The following EYS variants were observed in gnomAD, a reference collection of about 807,000 sequenced individuals.
EYS encodes the protein EGF-like photoreceptor maintenance factor.
Under a neutral mutation model 282.1 loss-of-function variants are expected in EYS, and 250 were observed. The observed-to-expected ratio is 0.89, with a 90% CI of 0.80 to 0.98. The LOEUF is 0.98. EYS is among the 50% of genes least tolerant of loss of function. EYS has a pLI of 0.00. For synonymous variants in EYS, 1,355 were observed against 1,282.9 expected (o/e 1.06, Z -1.20); for missense variants, 4,016 against 3,709.0 (o/e 1.08, Z -2.15).
chr6:64,734,351 T>G (rs1772109370), intron 22 of EYS, among the ~76,000 whole-genome samples: 1 of 152,140 alleles, frequency 6.6e-6, no homozygotes, highest in Non-Finnish European at 1.5e-5. Flanking sequence ...TTAAGTTTTG[T>G]TTGAAGCTTT....
chr6:65,393,783 C>T (rs1433602907), intron 7 of EYS, among the ~76,000 whole-genome samples: 1 of 151,544 alleles, frequency 6.6e-6, no homozygotes, highest in East Asian at 1.9e-4. Context: ...TATGTTAATA[C>T]ATCAAATTGA....
At position 63,936,593 on chromosome 6, in the gene EYS, C is replaced by A. The variant is rs535966396; in HGVS notation, c.7055+47790G>T. Among the ~76,000 whole-genome samples the A allele has an allele frequency of 5.9e-5, 9 of 152,290 alleles. No homozygotes were observed. The South Asian group carries it at 1.4e-3, about 25-fold the overall frequency. On this transcript the variant is annotated intron_variant, in intron 35 of 42. Coordinates refer to ENST00000503581, the MANE Select transcript of EYS (RefSeq NM_001142800.2). ...CCTGTGATAGTCAATCCTTAGATTT[C>A]TGTTAATGATTCACCCATTTATTCA...
chr6:64,608,552 G>A (rs1324540891), intron 24 of EYS, among the ~76,000 whole-genome samples: 1 of 152,168 alleles, frequency 6.6e-6, no homozygotes, highest in East Asian at 1.9e-4. Flanking sequence ...TCCAGTGAGT[G>A]TGTGCCTCGA....
chr6:64,312,283 G>C (rs1244195634), intron 29 of EYS, among the ~76,000 whole-genome samples: 1 of 152,084 alleles, frequency 6.6e-6, no homozygotes, highest in African/African-American at 2.4e-5. Context: ...ACTGCGTGGA[G>C]CCCACTGCAC....
chr6:64,503,316 T>C (rs1777111172), intron 26 of EYS, among the ~76,000 whole-genome samples: 1 of 152,112 alleles, frequency 6.6e-6, no homozygotes, highest in African/African-American at 2.4e-5. Flanking sequence ...TGGCTTGATT[T>C]GAAGGAAAAA....
At chr6:64,033,828 C>CTATATATATATATATA (rs1491226014) in intron 33 of EYS, among the ~76,000 whole-genome samples, 41 of 59,206 alleles carry the variant, frequency 6.9e-4, no homozygotes, top group African/African-American at 2.4e-3. Flanking sequence ...AATGAGATTA[C>CTATATATATATATATA]TCTCTCTCTC....
intron 26 of EYS, among the ~76,000 whole-genome samples, chr6:64,539,453 T>C (rs971958087): frequency 6.6e-6 from 1 of 152,142 alleles, no homozygotes; most frequent in Admixed American, 6.5e-5. Flanking sequence ...TGCACATCTG[T>C]AGGCCTAGTT....
At chr6:65,617,484 A>G (rs536526163) in intron 2 of EYS, among the ~76,000 whole-genome samples, 1 of 152,214 alleles carries the variant, frequency 6.6e-6, no homozygotes, top group Admixed American at 6.5e-5. Context: ...ATGTTTAATG[A>G]GACCTGAATT....
At position 63,958,442 on chromosome 6, in the gene EYS, C is replaced by T. The variant is rs183088105; in HGVS notation, c.7055+25941G>A. Among the ~76,000 whole-genome samples the T allele has an allele frequency of 3.5e-4, 53 of 152,102 alleles. 11 individuals carry two copies. The Middle Eastern group carries it at 0.01, about 29-fold the overall frequency. On this transcript the variant is annotated intron_variant, in intron 35 of 42. Coordinates refer to ENST00000503581, the MANE Select transcript of EYS (RefSeq NM_001142800.2). ...ATGGTTTGAATGTTTGTGGCCCCCA[C>T]AATGTTCATGTTGAAACTTAATCCT...
intron 31 of EYS, among the ~76,000 whole-genome samples, chr6:64,097,035 T>C (rs1772645950): frequency 6.6e-6 from 1 of 152,130 alleles, no homozygotes; most frequent in African/African-American, 2.4e-5. Flanking sequence ...CCTTTTTGCC[T>C]GGGTATCAGC....
intron 42 of EYS, among the ~76,000 whole-genome samples, chr6:63,724,278 T>C (rs1768527996): frequency 6.6e-6 from 1 of 152,178 alleles, no homozygotes; most frequent in Non-Finnish European, 1.5e-5. Context: ...TCATCTGCTA[T>C]CCCACCGTGC....
chr6:64,518,882 T>C (rs1777646939), intron 26 of EYS, among the ~76,000 whole-genome samples: 1 of 151,122 alleles, frequency 6.6e-6, no homozygotes, highest in Admixed American at 6.6e-5. Flanking sequence ...TCCTGAGGCC[T>C]CCCCAGGCAT....
At chr6:65,674,206 A>G (rs1336670585) in intron 1 of EYS, among the ~76,000 whole-genome samples, 1 of 151,866 alleles carries the variant, frequency 6.6e-6, no homozygotes, top group African/African-American at 2.4e-5. Context: ...GAAGAGTTAA[A>G]GAGGTAAAAC....
At chr6:65,418,702 T>C (rs772821562) in intron 5 of EYS, among the ~76,000 whole-genome samples, 1 of 151,832 alleles carries the variant, frequency 6.6e-6, no homozygotes, top group Non-Finnish European at 1.5e-5. Context: ...AACAGAGACC[T>C]GTTGGGGGTT....
chr6:65,034,978 A>C (rs185528246), intron 13 of EYS, among the ~76,000 whole-genome samples: 1 of 152,234 alleles, frequency 6.6e-6, no homozygotes, highest in Admixed American at 6.5e-5. Flanking sequence ...GTATTACCAA[A>C]CCCAATTTAG....
intron 19 of EYS, among the ~76,000 whole-genome samples, chr6:64,852,339 A>G (rs1296579405): frequency 6.6e-6 from 1 of 152,118 alleles, no homozygotes; most frequent in Non-Finnish European, 1.5e-5. Context: ...AGGCAGAAAA[A>G]TGTAAAAAGG....
chr6:65,313,694 T>G (rs1455437748), intron 11 of EYS, among the ~76,000 whole-genome samples: 1 of 152,148 alleles, frequency 6.6e-6, no homozygotes, highest in Non-Finnish European at 1.5e-5. Context: ...CTCAGTATCT[T>G]CACAGCAAAC....
chr6:64,730,350 G>C (rs1176208039), intron 22 of EYS, among the ~76,000 whole-genome samples: 1 of 152,204 alleles, frequency 6.6e-6, no homozygotes, highest in Non-Finnish European at 1.5e-5. Context: ...TGATCACCTA[G>C]ATATGTTGAA....
At chr6:65,503,032 G>A (rs961292232) in intron 2 of EYS, among the ~76,000 whole-genome samples, 1 of 151,610 alleles carries the variant, frequency 6.6e-6, no homozygotes, top group Admixed American at 6.6e-5. Flanking sequence ...AGTTTTGGAA[G>A]AAACCATTAA....
Sources: allele counts gnomAD v4.1 joint callset (sites outside exome capture counted in the v4.1 genomes callset), GRCh38; gene constraint gnomAD v4.1.1; transcripts MANE v1.5; gene names NCBI Gene and HGNC (gene_info 2026-07-23, HGNC 2026-07-21).